Variants in FRMD5 observed in about 807,000 individuals in gnomAD.
FRMD5 encodes FERM domain containing 5, also known as FERM domain-containing protein 5.
FRMD5 carries 20 observed loss-of-function variants against 69.0 expected under a neutral mutation model. The ratio of observed to expected loss-of-function variants is 0.29; its 90% CI spans 0.20 to 0.42. FRMD5 has a LOEUF of 0.42. Among genes scored for constraint, FRMD5 ranks in the 10% least tolerant of loss-of-function variants. The pLI is 1.00. For synonymous variants in FRMD5, 271 were observed against 260.1 expected, an observed-to-expected ratio of 1.04 and a Z score of -0.40; for missense variants, 595 against 708.6, an observed-to-expected ratio of 0.84 and a Z score of 1.82.
rs3040926 is a variant in FRMD5, at chr15:44,119,729, CTTTT to C, written c.102+75220_102+75223del. Among the ~76,000 whole-genome samples, 933 of 145,794 alleles carry C rather than the reference CTTTT, an allele frequency of 6.4e-3. 2 individuals are homozygous for C. Among genetic ancestry groups the C allele is most frequent in the Middle Eastern group, 0.018 (5 of 282 alleles). Reference sequence around the variant, plus strand: ...CTGAAATCATAGAGACTGTCTACTTCTTTTTTTTTTTTTTTTTTAAGTTTAAGGC... The same window carrying C: ...CTGAAATCATAGAGACTGTCTACTTCTTTTTTTTTTTTTTAAGTTTAAGGC... On this transcript the variant is annotated intron_variant, in intron 1 of 13. Coordinates refer to ENST00000417257, the MANE Select transcript of FRMD5 (RefSeq NM_032892.5).
At chr15:43,928,034 A>G (rs1434883953) in intron 1 of FRMD5, among the ~76,000 whole-genome samples, 2 of 152,220 alleles carry the variant, frequency 1.3e-5, no homozygotes, top group African/African-American at 4.8e-5. Flanking sequence ...TCACAGGAAG[A>G]AAAAGGAAGC....
At chr15:44,090,529 TTC>T (rs1195225893) in intron 1 of FRMD5, among the ~76,000 whole-genome samples, 1 of 151,812 alleles carries the variant, frequency 6.6e-6, no homozygotes, top group African/African-American at 2.4e-5. Flanking sequence ...AACCTCTACC[TTC>T]TGGATTCCAG....
chr15:44,156,725 G>T (rs898748080), intron 1 of FRMD5, among the ~76,000 whole-genome samples: 2 of 152,102 alleles, frequency 1.3e-5, no homozygotes, highest in African/African-American at 4.8e-5. Context: ...AATAGGATTT[G>T]ATATGCATCT....
At chr15:44,005,789 A>G (rs1307694645) in intron 1 of FRMD5, among the ~76,000 whole-genome samples, 1 of 152,182 alleles carries the variant, frequency 6.6e-6, no homozygotes, top group South Asian at 2.1e-4. Flanking sequence ...CACCCCCACC[A>G]GATCCAATCA....
Position 44,195,089 on chromosome 15 carries a change from C to T in FRMD5, c.-35G>A, listed in dbSNP as rs1211868664. 10 of 1,419,456 alleles carry T rather than the reference C, an allele frequency of 7.0e-6. 1 individual carries two copies. In the African/African-American group the frequency reaches 7.4e-5, roughly 11 times the overall value. The allele number at this position is 1,419,456 out of a possible 1,614,324, so 87.9% of individuals were successfully genotyped here. A position where few individuals can be genotyped will look rare whatever the true frequency, so the allele number is the denominator to read the frequency against. On this transcript the variant is annotated 5_prime_UTR_variant, in exon 1 of 14. Transcript: ENST00000417257. ...CGCCCGCCCGGGAGCGACGCGGCGGCGCTGCGGACCCTGGACCAGGCGTCC... is the reference window on the plus strand; with the variant it reads ...CGCCCGCCCGGGAGCGACGCGGCGGTGCTGCGGACCCTGGACCAGGCGTCC...
At chr15:44,094,518 T>C (rs369180042) in intron 1 of FRMD5, among the ~76,000 whole-genome samples, 3 of 152,210 alleles carry the variant, frequency 2.0e-5, no homozygotes, top group Admixed American at 2.0e-4. Context: ...AAACAGTGTG[T>C]TGGAATTCCT....
Position 44,030,031 on chromosome 15 carries a change from A to G in FRMD5, c.103-105722T>C, listed in dbSNP as rs760899716. On this transcript the variant is annotated intron_variant, in intron 1 of 13. Transcript: ENST00000417257. ...AGAATAAGTGAACAAACAAATCACA[A>G]ATTCTCTGCCTTGGTAGCCTGATGC... Among the ~76,000 whole-genome samples the G allele has an allele frequency of 5.9e-5, 9 of 152,240 alleles. No homozygotes were observed. In the South Asian group the frequency reaches 1.0e-3, roughly 18 times the overall value.
intron 7 of FRMD5, among the ~76,000 whole-genome samples, chr15:43,896,599 T>C (rs142488065): frequency 2.1e-4 from 32 of 152,298 alleles, no homozygotes; most frequent in African/African-American, 6.3e-4. Context: ...AATCAAAGCA[T>C]TGACTGGTTC....
intron 1 of FRMD5, among the ~76,000 whole-genome samples, chr15:44,139,545 C>T (rs531026461): frequency 6.6e-6 from 1 of 151,374 alleles, no homozygotes; most frequent in South Asian, 2.1e-4. Flanking sequence ...GCTGGTATAA[C>T]AACATTAACA....
intron 1 of FRMD5, among the ~76,000 whole-genome samples, chr15:44,144,595 C>G (rs1206672666): frequency 6.6e-6 from 1 of 152,182 alleles, no homozygotes; most frequent in East Asian, 1.9e-4. Context: ...CAGGGGCACC[C>G]TGAGCTAAGT....
chr15:44,096,403 CTTTT>C (rs751057566), intron 1 of FRMD5, among the ~76,000 whole-genome samples: 1 of 130,766 alleles, frequency 7.6e-6, no homozygotes, highest in Non-Finnish European at 1.6e-5. Context: ...TACGGTGTAT[CTTTT>C]TTTTTTTTTT....
intron 7 of FRMD5, among the ~76,000 whole-genome samples, chr15:43,893,432 C>G (rs1485312311): frequency 6.6e-6 from 1 of 152,180 alleles, no homozygotes; most frequent in Non-Finnish European, 1.5e-5. Flanking sequence ...GTCTCGCTTC[C>G]TCACTTGCGA....
intron 1 of FRMD5, among the ~76,000 whole-genome samples, chr15:44,034,806 A>C (rs1408310876): frequency 6.6e-6 from 1 of 152,154 alleles, no homozygotes; most frequent in Non-Finnish European, 1.5e-5. Flanking sequence ...GCCCTAGTCA[A>C]ACACCGATGA....
At chr15:43,906,639 T>C (rs547296861) in intron 5 of FRMD5, among the ~76,000 whole-genome samples, 1 of 152,192 alleles carries the variant, frequency 6.6e-6, no homozygotes, top group East Asian at 1.9e-4. Context: ...TCTCACTCTG[T>C]AGCCCAGGCT....
intron 1 of FRMD5, among the ~76,000 whole-genome samples, chr15:44,094,856 G>C (rs1204830357): frequency 2.0e-5 from 3 of 152,066 alleles, no homozygotes; most frequent in Non-Finnish European, 2.9e-5. Flanking sequence ...CAATTGTGCT[G>C]ATAGATAGTT....
At chr15:44,014,641 G>A (rs932906236) in intron 1 of FRMD5, among the ~76,000 whole-genome samples, 3 of 152,168 alleles carry the variant, frequency 2.0e-5, no homozygotes, top group Admixed American at 6.5e-5. Context: ...GGAGGCTGAC[G>A]CAGGAGAATC....
At chr15:43,885,573 T>TAG (rs2088642604) in intron 11 of FRMD5, 108 bp downstream of exon 11, 7 of 922,924 alleles carry the variant, frequency 7.6e-6, no homozygotes, top group Admixed American at 7.3e-5. Context: ...ACCTCAGACT[T>TAG]TTCTGAGTCC....
intron 1 of FRMD5, among the ~76,000 whole-genome samples, chr15:44,089,297 C>A (rs1334327161): frequency 6.6e-6 from 1 of 152,112 alleles, no homozygotes; most frequent in Non-Finnish European, 1.5e-5. Flanking sequence ...AAAATAAACA[C>A]CACATAAAAC....
intron 1 of FRMD5, among the ~76,000 whole-genome samples, chr15:43,948,036 G>C (rs2089973771): frequency 6.6e-6 from 1 of 152,130 alleles, no homozygotes; most frequent in African/African-American, 2.4e-5. Context: ...GTTAAGCACT[G>C]TGCATGTATT....
Sources: gnomAD v4.1 joint callset for allele counts (sites outside exome capture counted in the v4.1 genomes callset) on GRCh38, gnomAD v4.1.1 for gene constraint, MANE v1.5 for transcripts, NCBI Gene and HGNC (gene_info 2026-07-23, HGNC 2026-07-21) for gene names.